URI1: variants seen among roughly 807,000 people sequenced by gnomAD.
URI1 encodes unconventional prefoldin RPB5 interactor 1.
URI1 carries 39 observed loss-of-function variants against 60.2 expected under a neutral mutation model. The observed-to-expected ratio is 0.65, with a 90% CI of 0.50 to 0.85. The LOEUF is 0.85. Ranked by LOEUF, URI1 falls within the 40% of genes least tolerant of loss-of-function variation. URI1 has a pLI of 0.00. For synonymous variants in URI1, 251 were observed against 236.8 expected (o/e 1.06, Z -0.55); for missense variants, 691 against 665.9 (o/e 1.04, Z -0.42).
rs1428222741 is a variant in URI1 at position 29,963,771 on chromosome 19, G to A, written c.118-7422G>A. Reference sequence around the variant, plus strand: ...AGTGGGAGCTGGTCACCTTACTCCGGGCAGGTGCTGGGTGGAGTGAAGGCC... The same window carrying A: ...AGTGGGAGCTGGTCACCTTACTCCGAGCAGGTGCTGGGTGGAGTGAAGGCC... On this transcript the variant is annotated intron_variant, in intron 1 of 10. Coordinates refer to ENST00000392271, the MANE Select transcript of URI1 (RefSeq NM_003796.3). 3.3e-5 allele frequency among the ~76,000 whole-genome samples: 5 copies of A among 152,142 alleles called. No homozygotes were observed. The South Asian group carries it at 1.0e-3, about 32-fold the overall frequency.
intron 1 of URI1, among the ~76,000 whole-genome samples, chr19:29,964,686 T>C (rs1322905560): frequency 6.6e-6 from 1 of 151,992 alleles, no homozygotes; most frequent in Non-Finnish European, 1.5e-5. Flanking sequence ...GATCTCAAAC[T>C]CCTGATCTTA....
At chr19:29,965,314 G>T (rs2055379049) in intron 1 of URI1, among the ~76,000 whole-genome samples, 1 of 152,164 alleles carries the variant, frequency 6.6e-6, no homozygotes, top group African/African-American at 2.4e-5. Flanking sequence ...GAAGGGCAGG[G>T]TTTCTACGAG....
intron 3 of URI1, 53 bp from the exon 4 acceptor site, chr19:29,986,229 T>C: frequency 6.8e-7 from 1 of 1,478,290 alleles, no homozygotes. Context: ...TTATAAAATG[T>C]ACTTTTCAGT....
chr19:29,962,527 T>G (rs138166523), intron 1 of URI1, among the ~76,000 whole-genome samples: 1 of 151,476 alleles, frequency 6.6e-6, no homozygotes, highest in African/African-American at 2.4e-5. Context: ...ATTTTAATTC[T>G]ACGTATTTTA....
chr19:29,955,909 A>AG, intron 1 of URI1, among the ~76,000 whole-genome samples: 1 of 151,282 alleles, frequency 6.6e-6, no homozygotes, highest in Non-Finnish European at 1.5e-5. Context: ...ATTTCTTACA[A>AG]AAGAGGCAGT....
chr19:29,927,333 G>A (rs1277799870), intron 1 of URI1, among the ~76,000 whole-genome samples: 2 of 148,972 alleles, frequency 1.3e-5, no homozygotes, highest in Admixed American at 6.8e-5. Context: ...GTGCAATCTC[G>A]GCTCACTGCA....
At chr19:29,977,563 T>C (rs995631014) in intron 2 of URI1, among the ~76,000 whole-genome samples, 4 of 49,000 alleles carry the variant, frequency 8.2e-5, no homozygotes, top group Admixed American at 5.5e-4. Context: ...TTTTTCTTTT[T>C]TTTTTTTTTT....
chr19:29,925,218 G>A (rs1267420721), intron 1 of URI1, among the ~76,000 whole-genome samples: 1 of 152,232 alleles, frequency 6.6e-6, no homozygotes, highest in African/African-American at 2.4e-5. Flanking sequence ...GCACATGAAG[G>A]ACAAAATGTT....
chr19:29,982,751 T>A (rs1292412017), intron 2 of URI1, among the ~76,000 whole-genome samples: 2 of 152,210 alleles, frequency 1.3e-5, no homozygotes, highest in Admixed American at 1.3e-4. Context: ...TAGTGAAATC[T>A]TGTAGGTAAT....
rs1430105806 is a variant in URI1, at chr19:30,016,587, A to G, written c.*1518A>G. 6.6e-6 allele frequency: 1 copy of G among 152,126 alleles called. No homozygotes were observed. The highest frequency in any genetic ancestry group is 6.5e-5 in the Admixed American group (1 of 15,270). The allele number at this position is 152,126 out of a possible 1,614,324, so 9.4% of individuals were successfully genotyped here. A position where few individuals can be genotyped will look rare whatever the true frequency, so the allele number is the denominator to read the frequency against. Reference sequence around the variant, plus strand: ...GATTTGTAATTTCAAGATGCGTGTCATTAAATAATTTTTCATGTTCACAGA... The same window carrying G: ...GATTTGTAATTTCAAGATGCGTGTCGTTAAATAATTTTTCATGTTCACAGA... On this transcript the variant is annotated 3_prime_UTR_variant, in exon 11 of 11. Transcript: ENST00000392271.
chr19:29,923,716 G>A (rs1257250694), exon 1 of URI1: 1 of 1,535,774 alleles, frequency 6.5e-7, no homozygotes, highest in Non-Finnish European at 8.7e-7. Flanking sequence ...TTCCCTTCAA[G>A]GAAGCCACGT....
At chr19:29,924,875 G>T (rs1363392728) in intron 1 of URI1, among the ~76,000 whole-genome samples, 1 of 152,046 alleles carries the variant, frequency 6.6e-6, no homozygotes, top group African/African-American at 2.4e-5. Flanking sequence ...TCCCTTTGTT[G>T]CCCAAGCTGG....
chr19:29,987,608 A>G (rs546115781), intron 4 of URI1, among the ~76,000 whole-genome samples: 2 of 152,326 alleles, frequency 1.3e-5, no homozygotes, highest in South Asian at 4.1e-4. Flanking sequence ...AGTAGCTCTG[A>G]TGTTATGAAA....
intron 1 of URI1, among the ~76,000 whole-genome samples, chr19:29,936,788 T>A (rs1448000823): frequency 3.3e-5 from 5 of 152,194 alleles, no homozygotes; most frequent in African/African-American, 1.2e-4. Flanking sequence ...AGTCTCACTC[T>A]ATTGCCCAGG....
chr19:29,935,944 G>A (rs551909436), intron 1 of URI1, among the ~76,000 whole-genome samples: 15 of 151,264 alleles, frequency 9.9e-5, no homozygotes, highest in Non-Finnish European at 2.1e-4. Flanking sequence ...CCGCCACCAC[G>A]CCTGGCTAGT....
At chr19:29,937,059 C>T (rs904788696) in intron 1 of URI1, among the ~76,000 whole-genome samples, 9 of 152,082 alleles carry the variant, frequency 5.9e-5, no homozygotes, top group African/African-American at 1.7e-4. Context: ...GCCTATTTTT[C>T]GTTATTTATT....
intron 1 of URI1, among the ~76,000 whole-genome samples, chr19:29,947,500 C>G (rs1407202553): frequency 6.6e-6 from 1 of 152,190 alleles, no homozygotes; most frequent in Non-Finnish European, 1.5e-5. Context: ...CAGAAGTTCT[C>G]CCTGCTTCAG....
chr19:29,942,663 AG>A lies in URI1; in HGVS notation c.117+1del. 3 of 1,431,100 alleles carry A rather than the reference AG, an allele frequency of 2.1e-6. No individual in the cohort carries two copies. The highest frequency in any genetic ancestry group is 2.7e-6 in the Non-Finnish European group (3 of 1,091,180). 88.7% of individuals were successfully genotyped at this position (1,431,100 alleles called of 1,614,324 possible). A position where few individuals can be genotyped will look rare whatever the true frequency, so the allele number is the denominator to read the frequency against. On this transcript the variant is annotated frameshift_variant and splice_region_variant, in exon 1 of 11. Coordinates refer to ENST00000392271, the MANE Select transcript of URI1 (RefSeq NM_003796.3). LOFTEE classifies it high-confidence loss of function. ...DVARLREEQEKVVTNCQERIQ... is the reference protein window; with the variant it reads ...DVARLREEQEXVVTNCQERIQ... ...GCGCGGCTGCGCGAGGAGCAGGAAAAGGTAACTAGCAGCCCCGCGCCGCTTC... is the reference window on the plus strand; with the variant it reads ...GCGCGGCTGCGCGAGGAGCAGGAAAAGTAACTAGCAGCCCCGCGCCGCTTC...
At chr19:30,000,687 A>C (rs2055867497) in intron 4 of URI1, among the ~76,000 whole-genome samples, 1 of 151,754 alleles carries the variant, frequency 6.6e-6, no homozygotes, top group African/African-American at 2.4e-5. Context: ...TAAAGCTTTG[A>C]GATTCCTTTT....
Sources: gnomAD v4.1 joint callset for allele counts (sites outside exome capture counted in the v4.1 genomes callset) on GRCh38, gnomAD v4.1.1 for gene constraint, MANE v1.5 for transcripts, NCBI Gene and HGNC (gene_info 2026-07-23, HGNC 2026-07-21) for gene names.